Variants in SPATS2 observed in about 807,000 individuals in gnomAD.
SPATS2 encodes the protein spermatogenesis associated serine rich 2.
Under a neutral mutation model 63.7 loss-of-function variants are expected in SPATS2, and 38 were observed. That is an observed-to-expected ratio of 0.60 (90% CI 0.46 to 0.78). The LOEUF (loss-of-function observed/expected upper bound fraction) is 0.78, where lower values mean the gene tolerates loss of function less well. SPATS2 is among the 30% of genes least tolerant of loss of function. SPATS2 has a pLI of 0.00. For synonymous variants in SPATS2, 207 were observed against 232.9 expected, an observed-to-expected ratio of 0.89 and a Z score of 1.01; for missense variants, 588 against 666.2, an observed-to-expected ratio of 0.88 and a Z score of 1.29.
upstream of SPATS2, chr12:49,367,409 C>T (rs1199834717): frequency 7.6e-6 from 3 of 393,404 alleles, no homozygotes; most frequent in South Asian, 2.6e-4. Flanking sequence ...GGGGAGGCGG[C>T]GGTGGGGGCG....
intron 10 of SPATS2, among the ~76,000 whole-genome samples, chr12:49,518,856 T>A (rs895694171): frequency 1.3e-5 from 2 of 152,224 alleles, no homozygotes; most frequent in Admixed American, 6.5e-5. Flanking sequence ...TAACAATGAT[T>A]TATGAGTGTT....
At chr12:49,433,302 A>G (rs1945218294) in intron 2 of SPATS2, among the ~76,000 whole-genome samples, 1 of 152,202 alleles carries the variant, frequency 6.6e-6, no homozygotes, top group South Asian at 2.1e-4. Context: ...AGCTGGGACT[A>G]CAGGTGTGCA....
chr12:49,390,506 T>G (rs1944400689), intron 2 of SPATS2, among the ~76,000 whole-genome samples: 1 of 152,202 alleles, frequency 6.6e-6, no homozygotes, highest in Non-Finnish European at 1.5e-5. Context: ...TAAAATTATA[T>G]CAATTTAAAA....
rs368678287 is a variant in SPATS2, at chr12:49,526,205, C to T, written c.1588C>T (p.Leu530Phe). 6.2e-6 allele frequency: 10 copies of T among 1,614,038 alleles called. No homozygotes were observed. Among genetic ancestry groups the T allele is most frequent in the Non-Finnish European group, 8.5e-6 (10 of 1,180,042 alleles). The change falls in exon 14 of 14, where the codon CTC becomes TTC. Residue 530 changes from leucine (L) to phenylalanine (F), a missense_variant. By Grantham distance (22) the Leu-to-Phe change is conservative (BLOSUM62 0). Transcript: ENST00000552918. ...TCCCACGCCTTCATTCAAAAAGGGG[C>T]TCCCCCAGCGCAAACCCAGGACCTC... ...SPPTPSFKKG[L>F]PQRKPRTSQT...
At chr12:49,510,127 G>A (rs1946725927) in intron 9 of SPATS2, among the ~76,000 whole-genome samples, 1 of 151,046 alleles carries the variant, frequency 6.6e-6, no homozygotes, top group African/African-American at 2.4e-5. Flanking sequence ...AGCCAAGTGT[G>A]GTAGCACACA....
At chr12:49,377,745 A>G (rs1353990988) in intron 2 of SPATS2, among the ~76,000 whole-genome samples, 1 of 152,180 alleles carries the variant, frequency 6.6e-6, no homozygotes, top group African/African-American at 2.4e-5. Context: ...TTCTATGTAT[A>G]ATATTTCCAA....
intron 4 of SPATS2, among the ~76,000 whole-genome samples, chr12:49,487,216 A>T (rs1946309997): frequency 6.6e-6 from 1 of 152,110 alleles, no homozygotes; most frequent in Non-Finnish European, 1.5e-5. Flanking sequence ...GCCAGGCGCG[A>T]TGGCTCATGC....
At chr12:49,501,934 T>A (rs1277137037) in intron 9 of SPATS2, among the ~76,000 whole-genome samples, 1 of 152,170 alleles carries the variant, frequency 6.6e-6, no homozygotes, top group Non-Finnish European at 1.5e-5. Context: ...TAACAGATGT[T>A]TAAATTCTAG....
chr12:49,488,105 C>T (rs1263351118), intron 4 of SPATS2, among the ~76,000 whole-genome samples: 2 of 151,422 alleles, frequency 1.3e-5, no homozygotes, highest in East Asian at 2.0e-4. Flanking sequence ...CATGCAATGG[C>T]GCGATCTCGA....
chr12:49,433,083 T>C (rs1277132872), intron 2 of SPATS2, among the ~76,000 whole-genome samples: 3 of 152,184 alleles, frequency 2.0e-5, no homozygotes, highest in Non-Finnish European at 4.4e-5. Flanking sequence ...ACTTATTTTA[T>C]TTTCTGTTTT....
chr12:49,483,374 G>T (rs1344385937), intron 3 of SPATS2, among the ~76,000 whole-genome samples: 1 of 151,882 alleles, frequency 6.6e-6, no homozygotes, highest in Non-Finnish European at 1.5e-5. Flanking sequence ...GTTCTAAATA[G>T]TGCTTTGGTT....
intron 2 of SPATS2, among the ~76,000 whole-genome samples, chr12:49,421,129 C>G (rs142167098): frequency 3.3e-5 from 5 of 152,230 alleles, no homozygotes; most frequent in African/African-American, 7.2e-5. Flanking sequence ...CGTAAAAATT[C>G]TTTGCATTGG....
At chr12:49,501,653 C>T (rs966543142) in intron 9 of SPATS2, among the ~76,000 whole-genome samples, 8 of 152,152 alleles carry the variant, frequency 5.3e-5, no homozygotes, top group Non-Finnish European at 1.0e-4. Context: ...GAGTCTCTGT[C>T]GCCTAGGCTG....
At chr12:49,512,768 G>A in intron 9 of SPATS2, 3 of 765,662 alleles carry the variant, frequency 3.9e-6, no homozygotes, top group South Asian at 3.2e-5. Flanking sequence ...CACAGCGTCT[G>A]CATCTTAAGG....
Position 49,392,807 on chromosome 12 carries a change from T to C in SPATS2, c.-244+21517T>C, listed in dbSNP as rs191600735. 8.7e-4 allele frequency among the ~76,000 whole-genome samples: 131 copies of C among 150,974 alleles called. 1 individual carries two copies. Among genetic ancestry groups the C allele is most frequent in the African/African-American group, 2.9e-3 (119 of 41,054 alleles). Reference sequence around the variant, plus strand: ...TGGCTCACGCCTGTAATCCCAGCACTTTGGGAAGCTGAGTTGGGTGGATCA... The same window carrying C: ...TGGCTCACGCCTGTAATCCCAGCACCTTGGGAAGCTGAGTTGGGTGGATCA... On this transcript the variant is annotated intron_variant, in intron 2 of 13. Coordinates refer to ENST00000552918, the MANE Select transcript of SPATS2 (RefSeq NM_023071.4).
chr12:49,415,181 C>T (rs780235931), intron 2 of SPATS2, among the ~76,000 whole-genome samples: 1 of 151,792 alleles, frequency 6.6e-6, no homozygotes, highest in Non-Finnish European at 1.5e-5. Flanking sequence ...CTGCCCCCCT[C>T]AGCCTCCCAA....
chr12:49,462,407 C>T (rs1279480341), intron 3 of SPATS2: 1 of 702,394 alleles, frequency 1.4e-6, no homozygotes, highest in African/African-American at 1.7e-5. Context: ...GTGCCTGTGA[C>T]CCCCGAAGCT....
intron 2 of SPATS2, among the ~76,000 whole-genome samples, chr12:49,391,935 A>G (rs1452542768): frequency 2.0e-5 from 3 of 152,130 alleles, no homozygotes; most frequent in Non-Finnish European, 4.4e-5. Flanking sequence ...CAGAGGCCTT[A>G]TTTGATATTT....
intron 2 of SPATS2, among the ~76,000 whole-genome samples, chr12:49,421,854 C>G (rs552724297): frequency 1.3e-5 from 2 of 152,304 alleles, no homozygotes; most frequent in South Asian, 2.1e-4. Context: ...ATTTGGGTAG[C>G]AAGTCCTGTA....
Sources: gnomAD v4.1 joint callset for allele counts (sites outside exome capture counted in the v4.1 genomes callset) on GRCh38, gnomAD v4.1.1 for gene constraint, MANE v1.5 for transcripts, NCBI Gene and HGNC (gene_info 2026-07-23, HGNC 2026-07-21) for gene names.